ADAM9: variants seen among roughly 807,000 people sequenced by gnomAD.
ADAM9 encodes disintegrin and metalloproteinase domain-containing protein 9.
Under a neutral mutation model 108.1 loss-of-function variants are expected in ADAM9, and 54 were observed. The observed-to-expected ratio is 0.50, with a 90% CI of 0.40 to 0.63. The LOEUF (loss-of-function observed/expected upper bound fraction) is 0.63. Ranked by LOEUF, ADAM9 falls within the 20% of genes least tolerant of loss-of-function variation. The pLI is 0.00. For missense variants in ADAM9, 830 were observed against 997.7 expected (o/e 0.83, Z 2.26); for synonymous variants, 316 against 336.0 (o/e 0.94, Z 0.65).
intron 21 of ADAM9, among the ~76,000 whole-genome samples, chr8:39,102,863 TA>T (rs2129443665): frequency 6.6e-6 from 1 of 152,334 alleles, no homozygotes; most frequent in East Asian, 1.9e-4. Context: ...GAAGATAATT[TA>T]TTACTTCATT....
intron 3 of ADAM9, among the ~76,000 whole-genome samples, chr8:39,011,962 G>A (rs546695553): frequency 6.6e-6 from 1 of 152,322 alleles, no homozygotes; most frequent in East Asian, 1.9e-4. Flanking sequence ...AGGGAGCAAA[G>A]GCTACACATA....
At position 39,045,385 on chromosome 8, in the gene ADAM9, GGTGTGTGTACACACACCTATAT is replaced by G. The variant is rs1837697306; in HGVS notation, c.1302+3272_1302+3293del. On this transcript the variant is annotated intron_variant, in intron 12 of 21. Transcript: ENST00000487273. ...ATAGGTGTGTGTACATACACCTATA[GGTGTGTGTACACACACCTATAT>G]GTGCGCGTGTGTACACACACCTATA... 1.3e-4 allele frequency among the ~76,000 whole-genome samples: 2 copies of G among 15,950 alleles called. 1 individual carries two copies. Among genetic ancestry groups the G allele is most frequent in the African/African-American group, 4.8e-4 (2 of 4,166 alleles). The allele number at this position is 15,950 out of a possible 152,430, so 10.5% of individuals were successfully genotyped here.
chr8:39,077,231 T>C lies in ADAM9; in HGVS notation c.1701T>C (p.Asn567=), dbSNP rs1335485034. 8 of 1,614,066 alleles carry C rather than the reference T, an allele frequency of 5.0e-6. No homozygotes were observed. Among genetic ancestry groups the C allele is most frequent in the Admixed American group, 1.7e-5 (1 of 60,022 alleles). The change falls in exon 16 of 22, where the codon AAT becomes AAC. Residue 567 remains asparagine (N), a synonymous_variant. Transcript: ENST00000487273. ...GNEYKKCATG[N]ALCGKLQCEN... ...CATTATTTCTCTCTCTTTATAGGAATGCTTTGTGTGGAAAGCTTCAGTGTG... is the reference window on the plus strand; with the variant it reads ...CATTATTTCTCTCTCTTTATAGGAACGCTTTGTGTGGAAAGCTTCAGTGTG...
intron 1 of ADAM9, among the ~76,000 whole-genome samples, chr8:39,005,027 C>T (rs1836117187): frequency 6.6e-6 from 1 of 152,186 alleles, no homozygotes; most frequent in Admixed American, 6.5e-5. Context: ...CAGTAGGTCT[C>T]AGCCTTATTT....
intron 11 of ADAM9, 67 bp downstream of exon 11, chr8:39,026,877 G>T: frequency 1.3e-6 from 2 of 1,587,270 alleles, no homozygotes; most frequent in Non-Finnish European, 1.7e-6. Context: ...CACTGTGAGG[G>T]ATATTCATGT....
intron 2 of ADAM9, among the ~76,000 whole-genome samples, chr8:39,010,085 A>G (rs797017552): frequency 1.7e-4 from 26 of 151,516 alleles, no homozygotes; most frequent in African/African-American, 5.8e-4. Flanking sequence ...AGAGGATTGC[A>G]TTTTTCAGTA....
rs112588693 is a variant in ADAM9 at position 39,036,852 on chromosome 8, A to G, written c.1131-5094A>G. Reference sequence around the variant, plus strand: ...GTTATGCTTTTTAGTTCTATAGTCAATTCATGTGGGTGAATTTTTTTTTTT... The same window carrying G: ...GTTATGCTTTTTAGTTCTATAGTCAGTTCATGTGGGTGAATTTTTTTTTTT... On this transcript the variant is annotated intron_variant, in intron 11 of 21. Coordinates refer to ENST00000487273, the MANE Select transcript of ADAM9 (RefSeq NM_003816.3). 3.9e-5 allele frequency among the ~76,000 whole-genome samples: 6 copies of G among 152,072 alleles called. 1 individual carries two copies. The highest frequency in any genetic ancestry group is 1.4e-4 in the African/African-American group (6 of 41,518).
chr8:39,014,487 A>G (rs1233255038), intron 4 of ADAM9: 2 of 681,058 alleles, frequency 2.9e-6, no homozygotes, highest in Non-Finnish European at 5.3e-6. Flanking sequence ...ATTGTTTCCT[A>G]AAAGAGGTGT....
At chr8:39,064,676 A>G (rs1365247971) in intron 14 of ADAM9, among the ~76,000 whole-genome samples, 1 of 152,152 alleles carries the variant, frequency 6.6e-6, no homozygotes. Flanking sequence ...TGCATTTCCC[A>G]TATTACCTTC....
At chr8:39,026,110 A>G (rs1033728199) in intron 10 of ADAM9, among the ~76,000 whole-genome samples, 6 of 151,960 alleles carry the variant, frequency 3.9e-5, no homozygotes, top group African/African-American at 1.5e-4. Context: ...ATTTTACTTT[A>G]AGTTCTGGGA....
intron 14 of ADAM9, among the ~76,000 whole-genome samples, chr8:39,064,547 G>A (rs1383324249): frequency 6.6e-6 from 1 of 152,208 alleles, no homozygotes; most frequent in East Asian, 1.9e-4. Flanking sequence ...TTTAGTTCCA[G>A]TCCAGATTTG....
chr8:39,008,853 G>C (rs1289351301), intron 2 of ADAM9, among the ~76,000 whole-genome samples: 1 of 152,130 alleles, frequency 6.6e-6, no homozygotes, highest in Non-Finnish European at 1.5e-5. Flanking sequence ...CTTTTGTAAA[G>C]TTTGTTCAGA....
At chr8:39,053,619 A>G (rs999600229) in intron 12 of ADAM9, among the ~76,000 whole-genome samples, 1 of 152,158 alleles carries the variant, frequency 6.6e-6, no homozygotes, top group Non-Finnish European at 1.5e-5. Flanking sequence ...GTGACATCTT[A>G]TAAAGCTGTA....
At chr8:39,026,953 A>T in intron 11 of ADAM9, 143 bp downstream of exon 11, 26 of 976,666 alleles carry the variant, frequency 2.7e-5, no homozygotes, top group Admixed American at 8.3e-5. Context: ...CATACCAATG[A>T]GAAGTCTTTT....
chr8:39,089,540 T>C (rs1839283624), intron 18 of ADAM9, among the ~76,000 whole-genome samples: 1 of 152,250 alleles, frequency 6.6e-6, no homozygotes. Context: ...TGCACTAATA[T>C]GATACAACAT....
At chr8:39,049,317 A>G (rs938883755) in intron 12 of ADAM9, among the ~76,000 whole-genome samples, 1 of 152,082 alleles carries the variant, frequency 6.6e-6, no homozygotes, top group African/African-American at 2.4e-5. Context: ...TTTTAAGCTG[A>G]TAACAACTTA....
At chr8:39,102,200 T>C (rs980125405) in intron 21 of ADAM9, among the ~76,000 whole-genome samples, 4 of 152,158 alleles carry the variant, frequency 2.6e-5, no homozygotes, top group African/African-American at 9.7e-5. Flanking sequence ...CAAGGGCCTT[T>C]GAGATAACCA....
intron 11 of ADAM9, among the ~76,000 whole-genome samples, chr8:39,039,734 A>C (rs1455504033): frequency 6.6e-6 from 1 of 152,236 alleles, no homozygotes; most frequent in East Asian, 1.9e-4. Context: ...CTCCTTTTAT[A>C]AGGATGAATA....
intron 11 of ADAM9, among the ~76,000 whole-genome samples, chr8:39,030,277 T>C (rs1278517247): frequency 6.6e-6 from 1 of 152,078 alleles, no homozygotes; most frequent in African/African-American, 2.4e-5. Flanking sequence ...CCTCCAACCC[T>C]TGGCAACCAC....
Sources: allele counts gnomAD v4.1 joint callset (sites outside exome capture counted in the v4.1 genomes callset), GRCh38; gene constraint gnomAD v4.1.1; transcripts MANE v1.5; gene names NCBI Gene and HGNC (gene_info 2026-07-23, HGNC 2026-07-21).